The following MAP4K3 variants were observed in gnomAD, a reference collection of about 807,000 sequenced individuals.
MAP4K3 encodes the protein MAPK/ERK kinase kinase kinase 3.
A neutral mutation model predicts 143.5 loss-of-function variants in MAP4K3; 94 were observed. That is an observed-to-expected ratio of 0.65 (90% CI 0.55 to 0.78). MAP4K3 has a LOEUF of 0.78. Among genes scored for constraint, MAP4K3 ranks in the 30% least tolerant of loss-of-function variants. MAP4K3 has a pLI of 0.00. For missense variants in MAP4K3, 1,077 were observed against 1,068.1 expected (o/e 1.01, Z -0.12); for synonymous variants, 416 against 347.2 (o/e 1.20, Z -2.20).
intron 33 of MAP4K3, 93 bp from the exon 34 acceptor site, chr2:39,250,798 T>C (rs1680126649): frequency 1.1e-6 from 1 of 911,414 alleles, no homozygotes. Flanking sequence ...AATATGTGCC[T>C]CTATAAATGC....
chr2:39,291,540 T>C (rs549366010), intron 18 of MAP4K3, among the ~76,000 whole-genome samples: 6 of 152,322 alleles, frequency 3.9e-5, no homozygotes, highest in African/African-American at 1.2e-4. Context: ...TATGAAATTA[T>C]ATGCAGAATG....
intron 1 of MAP4K3, among the ~76,000 whole-genome samples, chr2:39,408,856 G>C (rs1572498704): frequency 6.6e-6 from 1 of 152,240 alleles, no homozygotes; most frequent in East Asian, 1.9e-4. Flanking sequence ...CTGGCAAATG[G>C]GTTTGATTCT....
intron 1 of MAP4K3, among the ~76,000 whole-genome samples, chr2:39,402,705 A>C (rs1419185774): frequency 6.6e-6 from 1 of 152,046 alleles, no homozygotes; most frequent in Non-Finnish European, 1.5e-5. Flanking sequence ...TTAAACCAAA[A>C]ATTGGGTCTT....
Position 39,286,232 on chromosome 2 carries a change from G to A in MAP4K3, c.1587+620C>T, listed in dbSNP as rs187276243. ...AAGCAGCGTGCAACCTAGATCCCTTGCATGCACACTTCACAACAGGGTTTG... is the reference window on the plus strand; with the variant it reads ...AAGCAGCGTGCAACCTAGATCCCTTACATGCACACTTCACAACAGGGTTTG... On this transcript the variant is annotated intron_variant, in intron 21 of 33. Coordinates refer to ENST00000263881, the MANE Select transcript of MAP4K3 (RefSeq NM_003618.4). Among the ~76,000 whole-genome samples, 15 of 152,310 alleles carry A rather than the reference G, an allele frequency of 9.8e-5. No homozygotes were observed. In the East Asian group the frequency reaches 2.9e-3, roughly 29 times the overall value.
intron 1 of MAP4K3, among the ~76,000 whole-genome samples, chr2:39,418,692 T>G (rs1216428612): frequency 1.3e-5 from 2 of 152,058 alleles, no homozygotes; most frequent in Non-Finnish European, 2.9e-5. Context: ...ACATACTTCA[T>G]TCTCCCTAGA....
chr2:39,280,037 T>C (rs1681449183), intron 23 of MAP4K3, among the ~76,000 whole-genome samples: 1 of 152,154 alleles, frequency 6.6e-6, no homozygotes, highest in Non-Finnish European at 1.5e-5. Flanking sequence ...TGGCTCAGAA[T>C]ACATGGCTTC....
intron 26 of MAP4K3, chr2:39,271,936 T>A (rs1681041823): frequency 5.7e-6 from 1 of 174,272 alleles, no homozygotes; most frequent in Non-Finnish European, 1.2e-5. Flanking sequence ...ATTTTCTAGG[T>A]ATAGAAACTT....
chr2:39,384,113 A>G (rs1054557493), intron 1 of MAP4K3, among the ~76,000 whole-genome samples: 2 of 110,744 alleles, frequency 1.8e-5, no homozygotes, highest in African/African-American at 1.4e-4. Flanking sequence ...GACCAGTATT[A>G]AAAAAAAAAA....
chr2:39,285,861 T>C (rs779741988), intron 21 of MAP4K3, among the ~76,000 whole-genome samples: 21 of 152,232 alleles, frequency 1.4e-4, no homozygotes, highest in Non-Finnish European at 2.6e-4. Flanking sequence ...ATGATGATAG[T>C]TGAATGTCTT....
At chr2:39,430,578 T>C (rs1414677120) in intron 1 of MAP4K3, among the ~76,000 whole-genome samples, 1 of 152,212 alleles carries the variant, frequency 6.6e-6, no homozygotes, top group Admixed American at 6.5e-5. Context: ...AAGGTTTTTT[T>C]TGTATTGGTG....
intron 1 of MAP4K3, among the ~76,000 whole-genome samples, chr2:39,385,567 T>TC (rs1666478841): frequency 6.3e-5 from 4 of 63,298 alleles, no homozygotes; most frequent in Non-Finnish European, 1.4e-4. Context: ...TATATATATA[T>TC]ATATATATAT....
rs998659680 is a variant in MAP4K3, at chr2:39,407,208, G to A, written c.97-29085C>T. 3.9e-5 allele frequency among the ~76,000 whole-genome samples: 6 copies of A among 152,040 alleles called. No individual in the cohort carries two copies. In the East Asian group the frequency reaches 1.2e-3, roughly 29 times the overall value. On this transcript the variant is annotated intron_variant, in intron 1 of 33. Coordinates refer to ENST00000263881, the MANE Select transcript of MAP4K3 (RefSeq NM_003618.4). ...AAACTCAGCAAACAGGAAATAAAGA[G>A]AACTGTGCCAATATAGCAAATAGCA...
intron 21 of MAP4K3, among the ~76,000 whole-genome samples, chr2:39,283,241 GAGTGTAC>G (rs1681617358): frequency 6.6e-6 from 1 of 152,068 alleles, no homozygotes; most frequent in African/African-American, 2.4e-5. Flanking sequence ...CTGCTTTTCA[GAGTGTAC>G]ATATCACATC....
intron 1 of MAP4K3, among the ~76,000 whole-genome samples, chr2:39,413,304 T>G (rs2148619603): frequency 6.6e-6 from 1 of 152,260 alleles, no homozygotes; most frequent in South Asian, 2.1e-4. Context: ...GTTAAGGAAC[T>G]GAATCACACA....
intron 16 of MAP4K3, among the ~76,000 whole-genome samples, chr2:39,297,739 T>A (rs1682341686): frequency 6.6e-6 from 1 of 152,162 alleles, no homozygotes; most frequent in Non-Finnish European, 1.5e-5. Context: ...AAGTGCTACA[T>A]CCATGCTCAT....
At chr2:39,432,930 T>G (rs1665339088) in intron 1 of MAP4K3, among the ~76,000 whole-genome samples, 1 of 152,088 alleles carries the variant, frequency 6.6e-6, no homozygotes, top group Admixed American at 6.5e-5. Flanking sequence ...AAAATCAATA[T>G]CAACGTTTCC....
Position 39,265,176 on chromosome 2 carries a change from A to T in MAP4K3, c.2136+27T>A, listed in dbSNP as rs750374042. On this transcript the variant is annotated intron_variant, in intron 28 of 33. Coordinates refer to ENST00000263881, the MANE Select transcript of MAP4K3 (RefSeq NM_003618.4). ...AGGTTGACAAGCTTTTATAGTAAGAATAAGATAGTCTGACTTTTATGCTTA... is the reference window on the plus strand; with the variant it reads ...AGGTTGACAAGCTTTTATAGTAAGATTAAGATAGTCTGACTTTTATGCTTA... 2.2e-6 allele frequency: 3 copies of T among 1,386,786 alleles called. No individual in the cohort carries two copies. In the African/African-American group the frequency reaches 4.3e-5, roughly 20 times the overall value. 85.9% of individuals were successfully genotyped at this position (1,386,786 alleles called of 1,614,324 possible). A position where few individuals can be genotyped will look rare whatever the true frequency, so the allele number is the denominator to read the frequency against.
At chr2:39,300,267 T>C (rs1051425874) in intron 15 of MAP4K3, among the ~76,000 whole-genome samples, 4 of 152,192 alleles carry the variant, frequency 2.6e-5, no homozygotes, top group Admixed American at 2.6e-4. Context: ...TTTAAAGATA[T>C]GAAATTGGGT....
intron 26 of MAP4K3, among the ~76,000 whole-genome samples, chr2:39,267,662 G>A (rs1448750258): frequency 1.6e-5 from 2 of 123,792 alleles, no homozygotes; most frequent in South Asian, 2.7e-4. Context: ...AACAACAGAA[G>A]AGCAAAACTC....
Sources: gnomAD v4.1 joint callset for allele counts (sites outside exome capture counted in the v4.1 genomes callset) on GRCh38, gnomAD v4.1.1 for gene constraint, MANE v1.5 for transcripts, NCBI Gene and HGNC (gene_info 2026-07-23, HGNC 2026-07-21) for gene names.